Variants in TARS1 observed in about 807,000 individuals in gnomAD.
The protein encoded by TARS1 is threonyl-tRNA synthetase 1.
Under a neutral mutation model 97.7 loss-of-function variants are expected in TARS1, and 57 were observed. The ratio of observed to expected loss-of-function variants is 0.58; its 90% CI spans 0.47 to 0.73. TARS1 has a LOEUF of 0.73. Among genes scored for constraint, TARS1 ranks in the 30% least tolerant of loss-of-function variants. TARS1 has a pLI of 0.00. For synonymous variants in TARS1, 312 were observed against 293.7 expected, an observed-to-expected ratio of 1.06 and a Z score of -0.64; for missense variants, 806 against 888.3, an observed-to-expected ratio of 0.91 and a Z score of 1.18.
At chr5:33,442,622 A>G (rs1311881623) in intron 1 of TARS1, among the ~76,000 whole-genome samples, 3 of 151,072 alleles carry the variant, frequency 2.0e-5, no homozygotes, top group African/African-American at 7.3e-5. Context: ...TGCAAGCTCC[A>G]CCTCCCGGGT....
Position 33,467,770 on chromosome 5 carries a change from T to G in TARS1, c.*62T>G. ...GGAACAGCGTTTCCGTAAAATTGAC[T>G]TTGTACTCTGAAAACGTCAATTTAT... On this transcript the variant is annotated 3_prime_UTR_variant, in exon 19 of 19. Transcript: ENST00000265112. 6.5e-7 allele frequency: 1 copy of G among 1,541,780 alleles called. No homozygotes were observed. The highest frequency in any genetic ancestry group is 1.2e-5 in the South Asian group (1 of 81,448).
chr5:33,456,180 C>G lies in TARS1; in HGVS notation c.790C>G (p.Pro264Ala). ...CCCTTTGATAGATCTCTGCCGGGGT[C>G]CTCATGTTAGACACACGGGCAAAAT... ...CGPLIDLCRG[P>A]HVRHTGKIKA... The change falls in exon 8 of 19, where the codon CCT becomes GCT. Residue 264 changes from proline to alanine, a missense_variant. Physicochemically the swap from Pro to Ala is conservative, Grantham distance 27. Around this residue, in one of 3 missense-constraint regions of TARS1, gnomAD observed 356 missense variants for 357.8 expected, o/e 0.99. Coordinates refer to ENST00000265112, the MANE Select transcript of TARS1 (RefSeq NM_152295.5). The G allele has an allele frequency of 6.2e-7, 1 of 1,613,890 alleles. No individual in the cohort carries two copies. The highest frequency in any genetic ancestry group is 8.5e-7 in the Non-Finnish European group (1 of 1,179,966).
chr5:33,442,705 C>T (rs1741170369), intron 1 of TARS1, among the ~76,000 whole-genome samples: 1 of 151,528 alleles, frequency 6.6e-6, no homozygotes, highest in African/African-American at 2.4e-5. Flanking sequence ...GGGGTTTCAC[C>T]GTGTTAGCCA....
chr5:33,443,654 G>A (rs1036246408), intron 1 of TARS1, among the ~76,000 whole-genome samples: 2 of 151,692 alleles, frequency 1.3e-5, no homozygotes, highest in Admixed American at 6.6e-5. Context: ...CACCACGCCC[G>A]GCTAATTTTT....
chr5:33,463,353 A>G (rs921602351), intron 16 of TARS1, among the ~76,000 whole-genome samples: 1 of 152,240 alleles, frequency 6.6e-6, no homozygotes, highest in African/African-American at 2.4e-5. Context: ...AACTGAGGGC[A>G]CTGTGTCCCC....
rs539742840 is a variant in TARS1 at position 33,446,634 on chromosome 5, G to A, written c.138+1230G>A. 5 of 1,275,700 alleles carry A rather than the reference G, an allele frequency of 3.9e-6. No individual in the cohort carries two copies. In the African/African-American group the frequency reaches 7.6e-5, roughly 19 times the overall value. The allele number at this position is 1,275,700 out of a possible 1,614,324, so 79.0% of individuals were successfully genotyped here. ...CAACTTGCAGGTTTTATTCATCTCT[G>A]CAATCACAGAGACTGACACAGAGGG... is the stretch of plus-strand genomic sequence containing the variant. On this transcript the variant is annotated intron_variant, in intron 2 of 18. Transcript: ENST00000265112.
At position 33,460,125 on chromosome 5, in the gene TARS1, C is replaced by G. The variant is rs201140160; in HGVS notation, c.1250+264C>G. Among the ~76,000 whole-genome samples the G allele has an allele frequency of 4.6e-5, 7 of 151,738 alleles. No homozygotes were observed. In the East Asian group the frequency reaches 1.4e-3, roughly 29 times the overall value. On this transcript the variant is annotated intron_variant, in intron 11 of 18. Transcript: ENST00000265112. ...GGGACTGCAGGTATATGCCACCATG[C>G]CCAGCTAATTTTTAAAATTTTATTT...
At chr5:33,447,412 A>G (rs955185034) in intron 2 of TARS1, among the ~76,000 whole-genome samples, 1 of 152,026 alleles carries the variant, frequency 6.6e-6, no homozygotes, top group African/African-American at 2.4e-5. Flanking sequence ...ACACCTGGCT[A>G]ATTTTTGTAT....
upstream of TARS1, chr5:33,440,930 C>T (rs1169142562): frequency 3.9e-6 from 3 of 766,598 alleles, no homozygotes; most frequent in African/African-American, 3.5e-5. Context: ...CTGCTCGTTC[C>T]GCCGCAAGTT....
chr5:33,442,414 A>T (rs1741154851), intron 1 of TARS1, among the ~76,000 whole-genome samples: 1 of 145,090 alleles, frequency 6.9e-6, no homozygotes, highest in Non-Finnish European at 1.5e-5. Flanking sequence ...ATTGGACGTG[A>T]TATGTATGGT....
chr5:33,446,476 A>G (rs1741422494), intron 2 of TARS1: 2 of 366,418 alleles, frequency 5.5e-6, no homozygotes, highest in Non-Finnish European at 1.1e-5. Flanking sequence ...GAAATAAGAC[A>G]AAGAGTATAA....
rs377349974 is a variant in TARS1 at position 33,461,018 on chromosome 5, G to A, written c.1367G>A (p.Arg456Gln). The A allele has an allele frequency of 3.7e-6, 6 of 1,614,048 alleles. No individual in the cohort carries two copies. The highest frequency in any genetic ancestry group is 2.7e-5 in the African/African-American group (2 of 74,918). ...GCACTCACAGGACTCACCCGGGTACGAAGATTCCAACAGGATGATGCTCAC... is the reference window on the plus strand; with the variant it reads ...GCACTCACAGGACTCACCCGGGTACAAAGATTCCAACAGGATGATGCTCAC... ...SGALTGLTRV[R>Q]RFQQDDAHIF... Residue 456 changes from arginine (R) to glutamine (Q), a missense_variant, in exon 12 of 19, where the codon CGA (arginine) becomes CAA (glutamine). Physicochemically the swap from Arg to Gln is conservative, Grantham distance 43 (BLOSUM62 1). Around this residue, in one of 3 missense-constraint regions of TARS1, gnomAD observed 446 missense variants for 511.0 expected, o/e 0.87. Coordinates refer to ENST00000265112, the MANE Select transcript of TARS1 (RefSeq NM_152295.5).
Position 33,443,320 on chromosome 5 carries a change from C to CTCTCTCTCTCT in TARS1, c.58-2004_58-2003insTCTCTCTCTCT, listed in dbSNP as rs1741220535. On this transcript the variant is annotated intron_variant, in intron 1 of 18. Transcript: ENST00000265112. ...TGTGGTGATTCCCTCTCTCTCTCTC[C>CTCTCTCTCTCT]CTCTCTCTCTCTCTCTCTCTCTCTC... is the stretch of plus-strand genomic sequence containing the variant. Among the ~76,000 whole-genome samples the CTCTCTCTCTCT allele has an allele frequency of 1.7e-3, 206 of 118,504 alleles. 13 individuals are homozygous for CTCTCTCTCTCT. Among genetic ancestry groups the CTCTCTCTCTCT allele is most frequent in the East Asian group, 6.1e-3 (22 of 3,588 alleles). The allele number at this position is 118,504 out of a possible 152,430, so 77.7% of individuals were successfully genotyped here.
intron 4 of TARS1, 33 bp from the exon 5 acceptor site, chr5:33,454,912 C>T (rs1741933656): frequency 1.9e-6 from 3 of 1,610,448 alleles, no homozygotes; most frequent in Non-Finnish European, 2.5e-6. Context: ...TATGCCAAGA[C>T]TCAGACCATG....
chr5:33,463,229 G>C (rs554270089), intron 16 of TARS1, among the ~76,000 whole-genome samples: 1 of 152,208 alleles, frequency 6.6e-6, no homozygotes, highest in Non-Finnish European at 1.5e-5. Context: ...TTCAAAGGGA[G>C]AATTGGATGG....
rs1485634815 is a variant in TARS1 at position 33,458,743 on chromosome 5, G to A, written c.1083+79G>A. ...TTAAATAAGGTCTACTAAAAGGAAA[G>A]ATAATCTGTATTTGAGAAGAAATAT... On this transcript the variant is annotated intron_variant, in intron 10 of 18. Transcript: ENST00000265112. The A allele has an allele frequency of 5.3e-6, 6 of 1,127,990 alleles. No homozygotes were observed. The East Asian group carries it at 1.0e-4, about 19-fold the overall frequency. 69.9% of individuals were successfully genotyped at this position (1,127,990 alleles called of 1,614,324 possible).
At chr5:33,448,210 A>G (rs1741516541) in intron 2 of TARS1, among the ~76,000 whole-genome samples, 1 of 152,194 alleles carries the variant, frequency 6.6e-6, no homozygotes, top group South Asian at 2.1e-4. Context: ...TATTGTTTTT[A>G]TTTCCAGTAT....
At chr5:33,450,987 C>T (rs1447964382) in intron 3 of TARS1, among the ~76,000 whole-genome samples, 1 of 152,120 alleles carries the variant, frequency 6.6e-6, no homozygotes, top group Non-Finnish European at 1.5e-5. Flanking sequence ...TGGTGGCGCA[C>T]ACCTGTAGTC....
chr5:33,461,686 A>G lies in TARS1; in HGVS notation c.1571A>G (p.Asn524Ser). Residue 524 changes from asparagine to serine, a missense_variant, in exon 14 of 19, where the codon AAT becomes AGT. By Grantham distance (46) the Asn-to-Ser change is conservative. Transcript: ENST00000265112. ...CCTCAGCAACTTGAAAACAGTCTGA[A>G]TGAATTTGGTGAAAAGTGGGAGTTA... The part of the protein sequence containing the change: ...QAEKQLENSL[N>S]EFGEKWELNS... 1 of 1,614,118 alleles carries G rather than the reference A, an allele frequency of 6.2e-7. No homozygotes were observed. The highest frequency in any genetic ancestry group is 8.5e-7 in the Non-Finnish European group (1 of 1,179,998).
Sources: gnomAD v4.1 joint callset for allele counts (sites outside exome capture counted in the v4.1 genomes callset) on GRCh38, gnomAD v4.1.1 for gene constraint, gnomAD v4.1.1 regional missense constraint, MANE v1.5 for transcripts, NCBI Gene and HGNC (gene_info 2026-07-23, HGNC 2026-07-21) for gene names.